Variants in RNF213 observed in about 807,000 individuals in gnomAD.
RNF213 encodes the protein ring finger protein 213.
Under a neutral mutation model 514.4 loss-of-function variants are expected in RNF213, and 341 were observed. The observed-to-expected ratio is 0.66, with a 90% confidence interval of 0.61 to 0.73. The LOEUF (loss-of-function observed/expected upper bound fraction) is 0.73, where lower values mean the gene tolerates loss of function less well. Ranked by LOEUF, RNF213 falls within the 30% of genes least tolerant of loss-of-function variation. The pLI, the probability that RNF213 is intolerant of heterozygous loss-of-function variation, is 0.00. For missense variants in RNF213, 5,767 were observed against 6,615.6 expected, an observed-to-expected ratio of 0.87 and a Z score of 4.45; for synonymous variants, 2,655 against 2,658.2, an observed-to-expected ratio of 1.00 and a Z score of 0.04.
intron 29 of RNF213, among the ~76,000 whole-genome samples, chr17:80,349,180 C>T (rs1191355269): frequency 6.6e-6 from 1 of 152,256 alleles, no homozygotes; most frequent in East Asian, 1.9e-4. Flanking sequence ...TGACAGATAC[C>T]GCAGGAACGG....
chr17:80,298,498 C>T lies in RNF213; in HGVS notation c.2190C>T (p.Phe730=), dbSNP rs144153981. The part of the protein sequence containing the change: ...AALEGLSFSP[F]REQMLDTSSL... ...TGGAGGGACTCTCCTTCTCACCGTT[C>T]CGGGAACAAATGCTAGATACGTAAG... Residue 730 remains phenylalanine, a synonymous_variant, in exon 11 of 68, where the codon TTC becomes TTT. Coordinates refer to ENST00000582970, the MANE Select transcript of RNF213 (RefSeq NM_001256071.3). 2 of 1,614,160 alleles carry T rather than the reference C, an allele frequency of 1.2e-6. No individual in the cohort carries two copies. Among genetic ancestry groups the T allele is most frequent in the African/African-American group, 2.7e-5 (2 of 75,042 alleles).
chr17:80,287,993 C>T lies in RNF213; in HGVS notation c.440C>T (p.Pro147Leu), dbSNP rs749680373. Reference sequence around the variant, plus strand: ...CAGCAGAGTGGCCCCACTGGCCAGCCGAGCCAGCCCCCAGGCACAGCCACC... The same window carrying T: ...CAGCAGAGTGGCCCCACTGGCCAGCTGAGCCAGCCCCCAGGCACAGCCACC... The part of the protein sequence containing the change: ...QAQQSGPTGQ[P>L]SQPPGTATTP... The change falls in exon 4 of 68, where the codon CCG becomes CTG. Residue 147 changes from proline to leucine, a missense_variant. Pro to Leu is a moderately conservative substitution (Grantham distance 98, BLOSUM62 -3). Transcript: ENST00000582970. 1.1e-5 allele frequency: 17 copies of T among 1,582,246 alleles called. No homozygotes were observed. The highest frequency in any genetic ancestry group is 7.5e-5 in the Admixed American group (4 of 53,626).
In RNF213 at chr17:80,317,343, G is replaced by A; in HGVS notation, c.2901+66G>A. The A allele has an allele frequency of 2.1e-6, 3 of 1,441,318 alleles. No individual in the cohort carries two copies. Among genetic ancestry groups the A allele is most frequent in the Middle Eastern group, 1.7e-4 (1 of 5,764 alleles). The allele number at this position is 1,441,318 out of a possible 1,614,324, so 89.3% of individuals were successfully genotyped here. On this transcript the variant is annotated intron_variant, in intron 16 of 67. Coordinates refer to ENST00000582970, the MANE Select transcript of RNF213 (RefSeq NM_001256071.3). The surrounding 1 kb of genome is among the most constrained non-coding windows in gnomAD (Gnocchi z 4.1). ...CAAGCTGGAGAACCCCAGACCATTA[G>A]CGACAGCCAAGAGATCTCAGCAGTG...
chr17:80,362,821 T>C (rs1174974934), intron 39 of RNF213, among the ~76,000 whole-genome samples: 1 of 152,220 alleles, frequency 6.6e-6, no homozygotes, highest in Non-Finnish European at 1.5e-5. Flanking sequence ...GGCCGTATGA[T>C]GGGTTATTGA....
intron 17 of RNF213, chr17:80,319,536 A>T: frequency 6.2e-7 from 1 of 1,612,432 alleles, no homozygotes; most frequent in Non-Finnish European, 8.5e-7. Context: ...ACCATCCTGC[A>T]TGTGTTCCAT....
intron 6 of RNF213, 68 bp downstream of exon 6, chr17:80,289,905 C>A: frequency 6.8e-7 from 1 of 1,476,160 alleles, no homozygotes; most frequent in Non-Finnish European, 9.3e-7. Context: ...TCTCCCTGCA[C>A]AACTCTCAGG....
chr17:80,332,758 T>TGTG (rs2046451260), intron 21 of RNF213, 127 bp downstream of exon 21: 11 of 1,117,402 alleles, frequency 9.8e-6, no homozygotes, highest in Non-Finnish European at 1.2e-5. Context: ...GGGGCTCCTG[T>TGTG]GTGTGTGGTA....
chr17:80,389,303 T>C lies in RNF213; in HGVS notation c.15131T>C (p.Met5044Thr), dbSNP rs774433600. The change falls in exon 65 of 68, where the codon ATG becomes ACG. Residue 5044 changes from methionine to threonine, a missense_variant. Met to Thr is a moderately conservative substitution (Grantham distance 81, BLOSUM62 -1). This residue lies in a region of RNF213 where 1,245 missense variants were observed against 1,339.0 expected (regional missense o/e 0.93). Coordinates refer to ENST00000582970, the MANE Select transcript of RNF213 (RefSeq NM_001256071.3). ...FLSTAGGDPN[M>T]QLNVYTQDIL... ...AGCACAGCTGGTGGGGATCCAAACATGCAGCTGAATGTGTATACTCAAGAC... is the reference window on the plus strand; with the variant it reads ...AGCACAGCTGGTGGGGATCCAAACACGCAGCTGAATGTGTATACTCAAGAC... The C allele has an allele frequency of 6.2e-7, 1 of 1,614,174 alleles. No homozygotes were observed. The highest frequency in any genetic ancestry group is 1.1e-5 in the South Asian group (1 of 91,084).
chr17:80,284,600 C>T (rs957879436), intron 3 of RNF213, among the ~76,000 whole-genome samples: 1 of 152,030 alleles, frequency 6.6e-6, no homozygotes, highest in Non-Finnish European at 1.5e-5. Context: ...CCCAGCTCCA[C>T]CTTTCTAATC....
At chr17:80,336,121 G>T in intron 22 of RNF213, 40 bp from the exon 23 acceptor site, 1 of 1,480,714 alleles carries the variant, frequency 6.8e-7, no homozygotes, top group African/African-American at 1.4e-5. Context: ...GTGCTATCGT[G>T]GAATAGTCCC....
chr17:80,273,317 A>T lies in RNF213; in HGVS notation c.174A>T (p.Glu58Asp). Residue 58 changes from glutamate to aspartate, a missense_variant, in exon 3 of 68, where the codon GAA becomes GAT. Physicochemically the swap from Glu to Asp is conservative, Grantham distance 45 (BLOSUM62 2). Around this residue, in one of 13 missense-constraint regions of RNF213, gnomAD observed 509 missense variants for 496.7 expected, o/e 1.02. Transcript: ENST00000582970. ...EMECGQELKE[E>D]GGPCLFPGSD... ...AGTGTGGGCAGGAGCTGAAGGAGGA[A>T]GGGGGCCCGTGCTTGTTCCCGGGCT... 1 of 1,613,562 alleles carries T rather than the reference A, an allele frequency of 6.2e-7. No individual in the cohort carries two copies. The highest frequency in any genetic ancestry group is 8.5e-7 in the Non-Finnish European group (1 of 1,179,996).
At position 80,289,820 on chromosome 17, in the gene RNF213, CCAGGA is replaced by C; in HGVS notation, c.1096_1100del (p.Gln366SerfsTer29). On this transcript the variant is annotated frameshift_variant, in exon 6 of 68. Coordinates refer to ENST00000582970, the MANE Select transcript of RNF213 (RefSeq NM_001256071.3). LOFTEE classifies it high-confidence loss of function. The stretch of plus-strand genomic sequence containing the variant: ...AGCAAAAAAACCAGGAAGCAGATGT[CCAGGA>C]AGTGAAGGCAAGGTAGGGATGCCCC... The C allele has an allele frequency of 6.2e-7, 1 of 1,610,950 alleles. No individual in the cohort carries two copies. The highest frequency in any genetic ancestry group is 8.5e-7 in the Non-Finnish European group (1 of 1,178,820).
chr17:80,298,817 A>C, intron 11 of RNF213: 1 of 324,086 alleles, frequency 3.1e-6, no homozygotes, highest in Non-Finnish European at 6.0e-6. Flanking sequence ...ATACCAAAAA[A>C]AAAAAAAAAA....
At position 80,383,888 on chromosome 17, in the gene RNF213, G is replaced by T; in HGVS notation, c.14282G>T (p.Gly4761Val). 1 of 1,614,222 alleles carries T rather than the reference G, an allele frequency of 6.2e-7. No homozygotes were observed. The highest frequency in any genetic ancestry group is 1.1e-5 in the South Asian group (1 of 91,080). ...CAGCACATTGTGGAACAGAAAAATG[G>T]CAAAGAAAGAGTGCCCATCCTCTGG... ...YLQHIVEQKN[G>V]KERVPILWHF... The change falls in exon 59 of 68, where the codon GGC becomes GTC. Residue 4761 changes from glycine (G) to valine (V), a missense_variant. Physicochemically the swap from Gly to Val is moderately radical, Grantham distance 109. Coordinates refer to ENST00000582970, the MANE Select transcript of RNF213 (RefSeq NM_001256071.3).
Position 80,345,533 on chromosome 17 carries a change from A to G in RNF213, c.7198A>G (p.Met2400Val), listed in dbSNP as rs1319478524. 2.5e-6 allele frequency: 4 copies of G among 1,612,984 alleles called. No homozygotes were observed. Among genetic ancestry groups the G allele is most frequent in the Admixed American group, 3.3e-5 (2 of 60,018 alleles). The change falls in exon 29 of 68, where the codon ATG becomes GTG. Residue 2400 changes from methionine (M) to valine (V), a missense_variant. Met to Val is a conservative substitution (Grantham distance 21). Coordinates refer to ENST00000582970, the MANE Select transcript of RNF213 (RefSeq NM_001256071.3). The surrounding 1 kb of genome is among the most constrained non-coding windows in gnomAD (Gnocchi z 6.0). ...DKTYELTTDN[M>V]LKILAIEMRF... is the part of the protein sequence containing the mutation. ...AACGTATGAGCTCACAACCGACAATATGCTTAAAATCCTTGCCATCGAGAT... is the reference window on the plus strand; with the variant it reads ...AACGTATGAGCTCACAACCGACAATGTGCTTAAAATCCTTGCCATCGAGAT...
intron 63 of RNF213, among the ~76,000 whole-genome samples, chr17:80,387,278 G>T (rs1211658941): frequency 6.6e-6 from 1 of 151,432 alleles, no homozygotes; most frequent in Non-Finnish European, 1.5e-5. Flanking sequence ...GCTAATTTGT[G>T]TATTTTTTGG....
Position 80,328,324 on chromosome 17 carries a change from C to A in RNF213, c.3368-4C>A. On this transcript the variant is annotated splice_region_variant and splice_polypyrimidine_tract_variant and intron_variant, in intron 19 of 67. Transcript: ENST00000582970. ...GTTACTTTATTGGTGTTCTTATTTT[C>A]CAGGGGAAAAAAGTCTTTCACCCCA... The A allele has an allele frequency of 6.5e-7, 1 of 1,533,690 alleles. No individual in the cohort carries two copies. The highest frequency in any genetic ancestry group is 8.7e-7 in the Non-Finnish European group (1 of 1,144,926).
chr17:80,292,449 G>T (rs867471639), intron 8 of RNF213, among the ~76,000 whole-genome samples: 31 of 152,178 alleles, frequency 2.0e-4, no homozygotes, highest in African/African-American at 7.0e-4. Context: ...GGCAGCAAAG[G>T]CCTGGGAGCT....
Position 80,393,616 on chromosome 17 carries a change from T to A in RNF213, c.*118T>A. 8.6e-7 allele frequency: 1 copy of A among 1,159,138 alleles called. No individual in the cohort carries two copies. Among genetic ancestry groups the A allele is most frequent in the South Asian group, 1.4e-5 (1 of 73,702 alleles). The allele number at this position is 1,159,138 out of a possible 1,614,324, so 71.8% of individuals were successfully genotyped here. On this transcript the variant is annotated 3_prime_UTR_variant, in exon 68 of 68. Coordinates refer to ENST00000582970, the MANE Select transcript of RNF213 (RefSeq NM_001256071.3). The stretch of plus-strand genomic sequence containing the variant: ...GCATTCAGAAGGAGAGCTGTCAGCG[T>A]AGCACCGAATTCAAGACCAAGGCGT...
Sources: gnomAD v4.1 joint callset for allele counts (sites outside exome capture counted in the v4.1 genomes callset) on GRCh38, gnomAD v4.1.1 for gene constraint, gnomAD v4.1.1 regional missense constraint, Gnocchi (gnomAD v3.1) non-coding constraint, MANE v1.5 for transcripts, NCBI Gene and HGNC (gene_info 2026-07-23, HGNC 2026-07-21) for gene names.